Variants in CARNMT1 observed in about 807,000 individuals in gnomAD.
The protein encoded by CARNMT1 is carnosine N-methyltransferase 1, also known as protein-L-histidine N-pros-methyltransferase CARNMT1.
CARNMT1 carries 28 observed loss-of-function variants against 49.6 expected under a neutral mutation model. That is an observed-to-expected ratio of 0.56 (90% CI 0.42 to 0.77). The LOEUF is 0.77. Ranked by LOEUF, CARNMT1 falls within the 30% of genes least tolerant of loss-of-function variation. The pLI is 0.00. For synonymous variants in CARNMT1, 178 were observed against 175.0 expected, an observed-to-expected ratio of 1.02 and a Z score of -0.13; for missense variants, 421 against 512.6, an observed-to-expected ratio of 0.82 and a Z score of 1.73.
chr9:74,984,861 G>T, intron 7 of CARNMT1, 46 bp downstream of exon 7: 1 of 1,222,042 alleles, frequency 8.2e-7, no homozygotes, highest in South Asian at 1.2e-5. Flanking sequence ...CTTCTGTTGA[G>T]GTGCTTTGGG....
chr9:75,011,556 T>C (rs916434876), intron 3 of CARNMT1, among the ~76,000 whole-genome samples: 2 of 152,178 alleles, frequency 1.3e-5, no homozygotes, highest in African/African-American at 4.8e-5. Flanking sequence ...TTAGTAGAGA[T>C]GAGGTCTCAC....
In CARNMT1 at chr9:74,990,282, T is replaced by TAA. The variant is rs568453500; in HGVS notation, c.1025-5274_1025-5273dup. On this transcript the variant is annotated intron_variant, in intron 6 of 7. Transcript: ENST00000376834. ...TGATAAAACTACAAGGTAAAAATCTTAAAAAAACAGAATACCTTCAGAGGA... is the reference window on the plus strand; with the variant it reads ...TGATAAAACTACAAGGTAAAAATCTTAAAAAAAAACAGAATACCTTCAGAGGA... Among the ~76,000 whole-genome samples the TAA allele has an allele frequency of 8.3e-4, 126 of 152,180 alleles. 1 individual carries two copies. Among genetic ancestry groups the TAA allele is most frequent in the Non-Finnish European group, 1.3e-3 (88 of 67,994 alleles).
At chr9:74,985,534 TTG>T (rs1832809689) in intron 6 of CARNMT1, among the ~76,000 whole-genome samples, 1 of 152,120 alleles carries the variant, frequency 6.6e-6, no homozygotes, top group Non-Finnish European at 1.5e-5. Context: ...CATCTAATAA[TTG>T]TGTGTCTGTG....
At chr9:75,027,308 G>A (rs565739015) in intron 1 of CARNMT1, 2 of 680,458 alleles carry the variant, frequency 2.9e-6, no homozygotes. Context: ...AGCACACCAG[G>A]GAGAATTAGA....
intron 6 of CARNMT1, among the ~76,000 whole-genome samples, chr9:74,992,529 A>C (rs1833058363): frequency 6.6e-6 from 1 of 152,212 alleles, no homozygotes; most frequent in South Asian, 2.1e-4. Flanking sequence ...ATTATAAATA[A>C]ATGTGTTTAA....
rs1422396049 is a variant in CARNMT1, at chr9:74,983,064, T to G, written c.*703A>C. On this transcript the variant is annotated 3_prime_UTR_variant, in exon 8 of 8. Coordinates refer to ENST00000376834, the MANE Select transcript of CARNMT1 (RefSeq NM_152420.3). ...TCATCTGAGCCAGAAAATACAAAATTAAATTAATCTGAATGATAAAATAGA... is the reference window on the plus strand; with the variant it reads ...TCATCTGAGCCAGAAAATACAAAATGAAATTAATCTGAATGATAAAATAGA... 1.3e-5 allele frequency: 2 copies of G among 152,066 alleles called. No homozygotes were observed. Among genetic ancestry groups the G allele is most frequent in the East Asian group, 3.9e-4 (2 of 5,180 alleles). The allele number at this position is 152,066 out of a possible 1,614,324, so 9.4% of individuals were successfully genotyped here.
chr9:74,990,435 T>C (rs1832975769), intron 6 of CARNMT1, among the ~76,000 whole-genome samples: 1 of 152,252 alleles, frequency 6.6e-6, no homozygotes, highest in Non-Finnish European at 1.5e-5. Flanking sequence ...GCATTGGAAC[T>C]AAAGTTATCA....
intron 1 of CARNMT1, among the ~76,000 whole-genome samples, chr9:75,021,553 T>C (rs748565628): frequency 3.2e-4 from 48 of 151,164 alleles, no homozygotes; most frequent in Non-Finnish European, 6.8e-4. Context: ...GCATGAACAA[T>C]GTAGAAATTA....
At chr9:75,001,418 A>G (rs1311535922) in intron 3 of CARNMT1, among the ~76,000 whole-genome samples, 1 of 152,128 alleles carries the variant, frequency 6.6e-6, no homozygotes, top group Non-Finnish European at 1.5e-5. Flanking sequence ...CTCCACCTCA[A>G]CCTAATGGCA....
intron 3 of CARNMT1, among the ~76,000 whole-genome samples, chr9:75,011,685 T>C (rs1270109174): frequency 1.3e-5 from 2 of 152,170 alleles, no homozygotes; most frequent in East Asian, 3.9e-4. Context: ...TGTTCAACAC[T>C]GTAAGACGGT....
chr9:74,999,976 G>C (rs1162261974), intron 3 of CARNMT1, 106 bp from the exon 4 acceptor site: 1 of 976,580 alleles, frequency 1.0e-6, no homozygotes, highest in Non-Finnish European at 1.5e-6. Context: ...ATAAGAATAA[G>C]CTAAGACTCT....
chr9:75,013,882 G>C (rs2118847310), intron 3 of CARNMT1, among the ~76,000 whole-genome samples: 1 of 150,662 alleles, frequency 6.6e-6, no homozygotes, highest in African/African-American at 2.4e-5. Flanking sequence ...GAGGTGGGAG[G>C]AGTACTTGAG....
intron 3 of CARNMT1, among the ~76,000 whole-genome samples, chr9:75,005,868 AC>A (rs1833494588): frequency 6.8e-6 from 1 of 146,984 alleles, no homozygotes; most frequent in Non-Finnish European, 1.5e-5. Flanking sequence ...ACACACACAC[AC>A]ACACAATAAA....
intron 2 of CARNMT1, chr9:75,016,763 A>G (rs757845758): frequency 1.8e-5 from 5 of 271,718 alleles, no homozygotes; most frequent in Admixed American, 4.9e-5. Flanking sequence ...TTGATGGGGC[A>G]GCATGGAGAG....
At position 74,998,766 on chromosome 9, in the gene CARNMT1, T is replaced by C. The variant is rs770202789; in HGVS notation, c.742A>G (p.Ile248Val). 2.4e-5 allele frequency: 36 copies of C among 1,515,104 alleles called. No individual in the cohort carries two copies. The East Asian group carries it at 8.2e-4, about 34-fold the overall frequency. The allele number at this position is 1,515,104 out of a possible 1,614,324, so 93.9% of individuals were successfully genotyped here. Reference protein sequence around the residue: ...SNFVLNRCSEINKYKLYPWIH... With the variant: ...SNFVLNRCSEVNKYKLYPWIH... ...CAAGGATAAAGTTTATATTTATTAA[T>C]TTCAGAACATCTGCAAAATATGAGT... The change falls in exon 5 of 8, where the codon ATT becomes GTT. Residue 248 changes from isoleucine (I) to valine (V), a missense_variant. Ile to Val is a conservative substitution (Grantham distance 29). Around this residue, in one of 2 missense-constraint regions of CARNMT1, gnomAD observed 235 missense variants for 344.8 expected, o/e 0.68. Transcript: ENST00000376834.
chr9:75,024,870 TAGCCTACTAC>T, intron 1 of CARNMT1, among the ~76,000 whole-genome samples: 2 of 152,134 alleles, frequency 1.3e-5, no homozygotes, highest in African/African-American at 2.4e-5. Context: ...TAACTACTAA[TAGCCTACTAC>T]TGACCGAAAG....
rs1833432273 is a variant in CARNMT1, at chr9:75,003,839, T to G, written c.591-3969A>C. ...TAGAACAGCTTCCCTTAAATTGAAC[T>G]TCAAGAATCAAGATATGCATTTGTT... On this transcript the variant is annotated intron_variant, in intron 3 of 7. Transcript: ENST00000376834. 2.0e-5 allele frequency among the ~76,000 whole-genome samples: 3 copies of G among 152,244 alleles called. No homozygotes were observed. In the South Asian group the frequency reaches 6.2e-4, roughly 31 times the overall value.
At chr9:74,997,648 G>C (rs146413073) in intron 5 of CARNMT1, among the ~76,000 whole-genome samples, 80 of 151,862 alleles carry the variant, frequency 5.3e-4, no homozygotes, top group African/African-American at 1.9e-3. Context: ...TGGTTTGTCT[G>C]TGTACTCTTT....
Position 74,983,803 on chromosome 9 carries a change from A to G in CARNMT1, c.1194T>C (p.Tyr398=), listed in dbSNP as rs767849997. ...VNDLSMMKYY[Y]ECVLFVVRKP... is the part of the protein sequence containing the mutation. Reference sequence around the variant, plus strand: ...TACGGACCACAAACAAGACACATTCATAGTAGTATTTCATCATAGAGAGAT... The same window carrying G: ...TACGGACCACAAACAAGACACATTCGTAGTAGTATTTCATCATAGAGAGAT... Residue 398 remains tyrosine (Y), a synonymous_variant, in exon 8 of 8, where the codon TAT becomes TAC. Coordinates refer to ENST00000376834, the MANE Select transcript of CARNMT1 (RefSeq NM_152420.3). 5.0e-6 allele frequency: 8 copies of G among 1,609,318 alleles called. No individual in the cohort carries two copies. The highest frequency in any genetic ancestry group is 1.1e-5 in the South Asian group (1 of 90,386).
Sources: gnomAD v4.1 joint callset for allele counts (sites outside exome capture counted in the v4.1 genomes callset) on GRCh38, gnomAD v4.1.1 for gene constraint, gnomAD v4.1.1 regional missense constraint, MANE v1.5 for transcripts, NCBI Gene and HGNC (gene_info 2026-07-23, HGNC 2026-07-21) for gene names.